The following FRK variants were observed in gnomAD, a reference collection of about 807,000 sequenced individuals.
FRK encodes fyn related Src family tyrosine kinase, also known as tyrosine-protein kinase FRK.
In FRK, 51 loss-of-function variants were observed where a neutral mutation model predicts 56.4. That is an observed-to-expected ratio of 0.90 (90% CI 0.72 to 1.14). FRK has a LOEUF of 1.14. Among genes scored for constraint, FRK ranks in the 50% most tolerant of loss-of-function variants. The pLI, the probability that FRK is intolerant of heterozygous loss-of-function variation, is 0.00. For missense variants in FRK, 570 were observed against 601.4 expected (o/e 0.95, Z 0.55); for synonymous variants, 245 against 217.9 (o/e 1.12, Z -1.10).
chr6:116,000,927 T>A (rs1775040669), intron 2 of FRK, among the ~76,000 whole-genome samples: 1 of 152,174 alleles, frequency 6.6e-6, no homozygotes. Flanking sequence ...CACAAGATAC[T>A]GCAAGACAGA....
chr6:116,015,007 T>A (rs1478203761), intron 1 of FRK, among the ~76,000 whole-genome samples: 2 of 152,220 alleles, frequency 1.3e-5, no homozygotes, highest in African/African-American at 4.8e-5. Context: ...ACTCTTTCAA[T>A]AAGGCCAAGT....
the FRK span, among the ~76,000 whole-genome samples, chr6:116,080,165 T>TTTTG: frequency 2.6e-5 from 4 of 151,902 alleles, no homozygotes; most frequent in Admixed American, 6.6e-5. Context: ...GAAAAAGCCT[T>TTTTG]TTTGTTTGTT....
At chr6:115,957,988 C>G (rs190953282) in intron 4 of FRK, among the ~76,000 whole-genome samples, 1 of 152,208 alleles carries the variant, frequency 6.6e-6, no homozygotes, top group Admixed American at 6.5e-5. Flanking sequence ...CCAAACAGAC[C>G]AGCTGTAAGT....
chr6:115,952,735 T>C (rs1175323495), intron 5 of FRK, among the ~76,000 whole-genome samples: 1 of 151,720 alleles, frequency 6.6e-6, no homozygotes, highest in South Asian at 2.1e-4. Flanking sequence ...TGGAATACTA[T>C]GCAGCCATAA....
chr6:115,990,180 T>G (rs1290748750), intron 2 of FRK, among the ~76,000 whole-genome samples: 1 of 151,994 alleles, frequency 6.6e-6, no homozygotes, highest in Non-Finnish European at 1.5e-5. Context: ...ACATTACTCC[T>G]TTGCTGAATG....
rs776966836 is a variant in FRK, at chr6:115,968,677, G to GA, written c.528dup (p.Leu177SerfsTer22). 131 of 1,613,612 alleles carry GA rather than the reference G, an allele frequency of 8.1e-5. No homozygotes were observed. Among genetic ancestry groups the GA allele is most frequent in the Non-Finnish European group, 9.2e-5 (109 of 1,179,800 alleles). Reference sequence around the variant, plus strand: ...GTTGAAAAGATTCTTCTTCGCGTGAGAAAAAATCCCCCTTCATCCAGTCTT... The same window carrying GA: ...GTTGAAAAGATTCTTCTTCGCGTGAGAAAAAAATCCCCCTTCATCCAGTCTT... On this transcript the variant is annotated frameshift_variant, in exon 3 of 8. Coordinates refer to ENST00000606080, the MANE Select transcript of FRK (RefSeq NM_002031.3). LOFTEE classifies it high-confidence loss of function.
At chr6:116,063,936 T>C (rs1327221708), upstream of FRK, among the ~76,000 whole-genome samples, 1 of 152,200 alleles carries the variant, frequency 6.6e-6, no homozygotes. Context: ...AGTAACACTC[T>C]GTTCTCAATC....
At position 115,947,020 on chromosome 6, in the gene FRK, C is replaced by T. The variant is rs369041309; in HGVS notation, c.959-2595G>A. Among the ~76,000 whole-genome samples the T allele has an allele frequency of 5.3e-5, 8 of 151,948 alleles. No homozygotes were observed. In the East Asian group the frequency reaches 1.6e-3, roughly 29 times the overall value. On this transcript the variant is annotated intron_variant, in intron 5 of 7. Transcript: ENST00000606080. ...TGGTGGCAAATTCCAAAATCCTAAT[C>T]AAGAAGGAAGACAAGAAGGTTCTGG...
intron 4 of FRK, among the ~76,000 whole-genome samples, chr6:115,962,094 G>A (rs1196785144): frequency 6.9e-6 from 1 of 143,932 alleles, no homozygotes; most frequent in Non-Finnish European, 1.5e-5. Context: ...AAAAGACACA[G>A]ACTGGCAAGT....
chr6:116,004,679 A>G (rs1254879949), intron 1 of FRK, among the ~76,000 whole-genome samples: 2 of 152,188 alleles, frequency 1.3e-5, no homozygotes, highest in Admixed American at 1.3e-4. Flanking sequence ...TCTTATCTTT[A>G]CCATTCCAGA....
intron 3 of FRK, 132 bp downstream of exon 3, chr6:115,968,444 G>A (rs1773670529): frequency 2.3e-6 from 2 of 882,028 alleles, no homozygotes; most frequent in Non-Finnish European, 3.5e-6. Context: ...ATAGGCCATG[G>A]TTTGCCTATA....
chr6:116,053,950 T>A (rs1292133921), intron 1 of FRK, among the ~76,000 whole-genome samples: 2 of 152,074 alleles, frequency 1.3e-5, no homozygotes, highest in Non-Finnish European at 2.9e-5. Flanking sequence ...CAGGTATTAA[T>A]TAAACTTCAA....
At chr6:116,018,790 AT>A (rs942747998) in intron 1 of FRK, among the ~76,000 whole-genome samples, 15 of 151,616 alleles carry the variant, frequency 9.9e-5, no homozygotes, top group African/African-American at 3.2e-4. Flanking sequence ...GCCTGGGATA[AT>A]TTTTTTTTAA....
chr6:115,982,826 C>T (rs548074381), intron 2 of FRK, among the ~76,000 whole-genome samples: 2 of 152,178 alleles, frequency 1.3e-5, no homozygotes, highest in East Asian at 1.9e-4. Context: ...AATCGCAGCA[C>T]TTTGGGAGGC....
At chr6:116,046,075 A>C (rs1483938745) in intron 1 of FRK, among the ~76,000 whole-genome samples, 1 of 152,238 alleles carries the variant, frequency 6.6e-6, no homozygotes, top group East Asian at 1.9e-4. Flanking sequence ...GAGAAATGCA[A>C]ATCAAAACCA....
the FRK span, among the ~76,000 whole-genome samples, chr6:116,090,043 T>A: frequency 1.3e-5 from 2 of 152,202 alleles, no homozygotes; most frequent in African/African-American, 2.4e-5. Context: ...AACAAATAAT[T>A]TTTTAGCATT....
intron 2 of FRK, among the ~76,000 whole-genome samples, chr6:115,979,202 G>T (rs1305624769): frequency 6.6e-6 from 1 of 152,076 alleles, no homozygotes; most frequent in Non-Finnish European, 1.5e-5. Context: ...CAGCTCCATG[G>T]GTGTTATTGC....
intron 2 of FRK, among the ~76,000 whole-genome samples, chr6:115,975,694 C>T (rs1196213280): frequency 6.6e-6 from 1 of 151,896 alleles, no homozygotes; most frequent in African/African-American, 2.4e-5. Flanking sequence ...AGTTCAGCTG[C>T]AAAAAATATA....
intron 1 of FRK, among the ~76,000 whole-genome samples, chr6:116,020,938 A>C (rs1325312672): frequency 6.6e-6 from 1 of 152,148 alleles, no homozygotes; most frequent in Non-Finnish European, 1.5e-5. Flanking sequence ...ACAGATTTCT[A>C]AACTGTGGTT....
Sources: allele counts gnomAD v4.1 joint callset (sites outside exome capture counted in the v4.1 genomes callset), GRCh38; gene constraint gnomAD v4.1.1; transcripts MANE v1.5; gene names NCBI Gene and HGNC (gene_info 2026-07-23, HGNC 2026-07-21).